NAALADL2: variants seen among roughly 807,000 people sequenced by gnomAD.
NAALADL2 encodes the protein inactive N-acetylated-alpha-linked acidic dipeptidase-like protein 2.
NAALADL2 carries 76 observed loss-of-function variants against 87.2 expected under a neutral mutation model. That is an observed-to-expected ratio of 0.87 (90% CI 0.72 to 1.05). The LOEUF is 1.05. NAALADL2 is among the 50% of genes least tolerant of loss of function. NAALADL2 has a pLI of 0.00. For synonymous variants in NAALADL2, 354 were observed against 331.0 expected (o/e 1.07, Z -0.75); for missense variants, 1,089 against 945.8 (o/e 1.15, Z -1.99).
chr3:175,477,342 G>A (rs1186701143), intron 9 of NAALADL2, among the ~76,000 whole-genome samples: 4 of 152,014 alleles, frequency 2.6e-5, no homozygotes, highest in African/African-American at 4.8e-5. Flanking sequence ...GCATTAACAC[G>A]TCATGGGTGA....
At chr3:174,540,647 T>A (rs1722140808) in intron 1 of NAALADL2, 2 of 152,226 alleles carry the variant, frequency 1.3e-5, no homozygotes, top group South Asian at 4.1e-4. Flanking sequence ...AATAGTTTTT[T>A]ATTGTCTCTA....
intron 1 of NAALADL2, among the ~76,000 whole-genome samples, chr3:175,044,981 T>G (rs1013387166): frequency 1.3e-5 from 2 of 151,978 alleles, no homozygotes; most frequent in Non-Finnish European, 2.9e-5. Flanking sequence ...TTACACATAA[T>G]AGGATGATAT....
intron 5 of NAALADL2, among the ~76,000 whole-genome samples, chr3:175,402,550 A>T (rs1581742115): frequency 6.6e-6 from 1 of 152,230 alleles, no homozygotes; most frequent in Non-Finnish European, 1.5e-5. Context: ...ATCTATTTTA[A>T]TATAATCTAT....
chr3:174,831,550 G>T (rs984295251), intron 3 of NAALADL2, among the ~76,000 whole-genome samples: 1 of 149,478 alleles, frequency 6.7e-6, no homozygotes, highest in Non-Finnish European at 1.5e-5. Context: ...GTTCATCAAG[G>T]ATATTGGTCT....
intron 2 of NAALADL2, among the ~76,000 whole-genome samples, chr3:174,575,633 C>G (rs575646328): frequency 1.3e-5 from 2 of 152,206 alleles, no homozygotes; most frequent in African/African-American, 4.8e-5. Flanking sequence ...AAGGAATATT[C>G]CATTGTGAAA....
At chr3:175,170,451 AATAAATATAATATAT>A (rs1469775120) in intron 2 of NAALADL2, among the ~76,000 whole-genome samples, 1 of 146,922 alleles carries the variant, frequency 6.8e-6, no homozygotes, top group East Asian at 1.9e-4. Context: ...TAAATATATA[AATAAATATAATATAT>A]ATAAATATAA....
At chr3:175,073,424 G>A in intron 1 of NAALADL2, among the ~76,000 whole-genome samples, 1 of 151,994 alleles carries the variant, frequency 6.6e-6, no homozygotes, top group East Asian at 1.9e-4. Context: ...ATCATCGTAA[G>A]TTATATAGAA....
rs1425113758 is a variant in NAALADL2, at chr3:174,961,958, T to G, written c.43+102508T>G. Among the ~76,000 whole-genome samples, 13 of 150,586 alleles carry G rather than the reference T, an allele frequency of 8.6e-5. No homozygotes were observed. In the Admixed American group the frequency reaches 8.7e-4, roughly 10 times the overall value. On this transcript the variant is annotated intron_variant, in intron 1 of 13. Coordinates refer to ENST00000454872, the MANE Select transcript of NAALADL2 (RefSeq NM_207015.3). ...ACTCCCCTGCAACACTGTAGCAGGG[T>G]TGGTCTGTGTAATGTGTGATGGCAT...
chr3:174,595,011 G>C (rs2108594987), intron 2 of NAALADL2, among the ~76,000 whole-genome samples: 1 of 152,176 alleles, frequency 6.6e-6, no homozygotes, highest in African/African-American at 2.4e-5. Context: ...TCATGTCTTA[G>C]TACTTTCTAG....
chr3:175,359,516 T>C (rs1439706667), intron 5 of NAALADL2, among the ~76,000 whole-genome samples: 2 of 144,584 alleles, frequency 1.4e-5, no homozygotes, highest in Non-Finnish European at 3.1e-5. Flanking sequence ...AATTATTTAA[T>C]GGAAACAGAG....
At chr3:175,183,184 T>C (rs1350805) in intron 2 of NAALADL2, among the ~76,000 whole-genome samples, 110,101 of 151,674 alleles carry the variant, frequency 0.73, 40,628 homozygotes, top group Non-Finnish European at 0.8. Flanking sequence ...TTCAATTTCC[T>C]TTATCAATGT....
chr3:174,900,637 T>A (rs559397971), intron 1 of NAALADL2, among the ~76,000 whole-genome samples: 34 of 152,130 alleles, frequency 2.2e-4, no homozygotes, highest in African/African-American at 7.2e-4. Context: ...ATAAAATTAT[T>A]TGTAGTATAA....
At chr3:174,668,695 G>A (rs1726216475) in intron 2 of NAALADL2, among the ~76,000 whole-genome samples, 1 of 152,160 alleles carries the variant, frequency 6.6e-6, no homozygotes, top group Admixed American at 6.5e-5. Context: ...CCCTGCAATA[G>A]TTTGCTGAGA....
At chr3:175,184,315 T>C (rs1050230212) in intron 2 of NAALADL2, among the ~76,000 whole-genome samples, 6 of 152,228 alleles carry the variant, frequency 3.9e-5, no homozygotes, top group Non-Finnish European at 7.4e-5. Context: ...AGATTGAGCA[T>C]TGGGTTATCT....
intron 2 of NAALADL2, among the ~76,000 whole-genome samples, chr3:175,156,359 A>G (rs988334860): frequency 6.7e-6 from 1 of 149,526 alleles, no homozygotes; most frequent in Non-Finnish European, 1.5e-5. Context: ...AGTATTATTA[A>G]TGTTTCGCAT....
At chr3:175,570,298 A>G (rs1223062930) in intron 9 of NAALADL2, among the ~76,000 whole-genome samples, 1 of 152,116 alleles carries the variant, frequency 6.6e-6, no homozygotes, top group Non-Finnish European at 1.5e-5. Context: ...GAGTAGGGCA[A>G]TCTGCTTTAC....
intron 1 of NAALADL2, among the ~76,000 whole-genome samples, chr3:174,992,477 C>A (rs1284591765): frequency 6.6e-6 from 1 of 151,910 alleles, no homozygotes; most frequent in East Asian, 1.9e-4. Flanking sequence ...GTAAGATGTT[C>A]TTTTTGTGCA....
intron 1 of NAALADL2, among the ~76,000 whole-genome samples, chr3:175,066,076 G>T (rs73038487): frequency 0.048 from 7,335 of 152,228 alleles, 255 homozygotes; most frequent in African/African-American, 0.1. Flanking sequence ...GCACTGCAGA[G>T]AACAAGTGGA....
chr3:175,443,911 TAGA>T (rs1319514192), intron 5 of NAALADL2, among the ~76,000 whole-genome samples: 2 of 152,176 alleles, frequency 1.3e-5, no homozygotes, highest in African/African-American at 4.8e-5. Flanking sequence ...AAGCTTCACG[TAGA>T]AGATGACTTG....
Sources: gnomAD v4.1 joint callset for allele counts (sites outside exome capture counted in the v4.1 genomes callset) on GRCh38, gnomAD v4.1.1 for gene constraint, MANE v1.5 for transcripts, NCBI Gene and HGNC (gene_info 2026-07-23, HGNC 2026-07-21) for gene names.